The following LPGAT1 variants were observed in gnomAD, a reference collection of about 807,000 sequenced individuals.
LPGAT1 encodes lysophosphatidylglycerol acyltransferase 1, also known as acyl-CoA:lysophosphatidylglycerol acyltransferase 1.
LPGAT1 carries 11 observed loss-of-function variants against 47.5 expected under a neutral mutation model. The ratio of observed to expected loss-of-function variants is 0.23; its 90% CI spans 0.15 to 0.38. The LOEUF (loss-of-function observed/expected upper bound fraction) is 0.38. Ranked by LOEUF, LPGAT1 falls within the 10% of genes least tolerant of loss-of-function variation. The pLI is 1.00. For synonymous variants in LPGAT1, 138 were observed against 144.2 expected (o/e 0.96, Z 0.31); for missense variants, 293 against 439.0 (o/e 0.67, Z 2.97).
chr1:211,816,463 T>C (rs899728847), intron 2 of LPGAT1, among the ~76,000 whole-genome samples: 3 of 152,194 alleles, frequency 2.0e-5, no homozygotes, highest in Non-Finnish European at 4.4e-5. Context: ...ACATAAAATC[T>C]AATTAGTTAA....
At chr1:211,819,410 T>C (rs1245048078) in intron 2 of LPGAT1, among the ~76,000 whole-genome samples, 1 of 152,092 alleles carries the variant, frequency 6.6e-6, no homozygotes, top group Non-Finnish European at 1.5e-5. Context: ...GAACGATCAC[T>C]TGAGGCCAGA....
intron 2 of LPGAT1, among the ~76,000 whole-genome samples, chr1:211,814,507 T>C (rs1403984889): frequency 6.6e-6 from 1 of 152,214 alleles, no homozygotes; most frequent in Non-Finnish European, 1.5e-5. Context: ...AGCCTGATTC[T>C]GCCAACAGAG....
intron 6 of LPGAT1, among the ~76,000 whole-genome samples, chr1:211,771,912 G>C (rs1658189801): frequency 6.6e-6 from 1 of 152,142 alleles, no homozygotes; most frequent in African/African-American, 2.4e-5. Context: ...GACATTAAGA[G>C]TCTCCTATAT....
At chr1:211,768,236 A>C (rs1658022699) in intron 6 of LPGAT1, among the ~76,000 whole-genome samples, 1 of 152,240 alleles carries the variant, frequency 6.6e-6, no homozygotes, top group Admixed American at 6.5e-5. Context: ...TGAGCTTATT[A>C]AATTTTTATA....
intron 2 of LPGAT1, among the ~76,000 whole-genome samples, chr1:211,824,870 A>G (rs1660492512): frequency 6.6e-6 from 1 of 152,214 alleles, no homozygotes; most frequent in Non-Finnish European, 1.5e-5. Flanking sequence ...TCACACAATG[A>G]ATATGTATCC....
intron 2 of LPGAT1, among the ~76,000 whole-genome samples, chr1:211,806,736 T>C (rs1181189064): frequency 6.6e-6 from 1 of 152,184 alleles, no homozygotes; most frequent in Non-Finnish European, 1.5e-5. Context: ...AAGCATTCAA[T>C]AAATTTCAGT....
At chr1:211,759,954 C>A (rs759054025) in intron 6 of LPGAT1, among the ~76,000 whole-genome samples, 8 of 152,152 alleles carry the variant, frequency 5.3e-5, no homozygotes, top group Non-Finnish European at 1.2e-4. Context: ...AAAGATATTG[C>A]TATATTATCT....
At chr1:211,784,406 A>C (rs1447506244) in intron 4 of LPGAT1, among the ~76,000 whole-genome samples, 1 of 151,362 alleles carries the variant, frequency 6.6e-6, no homozygotes, top group East Asian at 1.9e-4. Flanking sequence ...CAGGAGGATC[A>C]CTTGTGCCCA....
At chr1:211,817,827 TTTTTTG>T (rs1479811366) in intron 2 of LPGAT1, among the ~76,000 whole-genome samples, 1 of 151,832 alleles carries the variant, frequency 6.6e-6, no homozygotes, top group Non-Finnish European at 1.5e-5. Flanking sequence ...AACTTTCAGG[TTTTTTG>T]TTTTTGTTTT....
intron 2 of LPGAT1, among the ~76,000 whole-genome samples, chr1:211,795,811 C>A (rs904653273): frequency 1.3e-5 from 2 of 152,118 alleles, no homozygotes; most frequent in Non-Finnish European, 2.9e-5. Flanking sequence ...TTCATTAATA[C>A]AATCTTCATT....
Position 211,783,513 on chromosome 1 carries a change from C to A in LPGAT1, c.454-11G>T. 6.2e-7 allele frequency: 1 copy of A among 1,606,106 alleles called. No homozygotes were observed. The highest frequency in any genetic ancestry group is 8.5e-7 in the Non-Finnish European group (1 of 1,174,750). On this transcript the variant is annotated splice_polypyrimidine_tract_variant and intron_variant, in intron 4 of 7. Transcript: ENST00000366997. ...ACGATAAGATCTTCCCTAGAAGGTA[C>A]ACACACACGTAATAAGTACAGGTAT... is the stretch of plus-strand genomic sequence containing the variant.
chr1:211,805,520 T>C (rs1659722814), intron 2 of LPGAT1, among the ~76,000 whole-genome samples: 1 of 152,210 alleles, frequency 6.6e-6, no homozygotes, highest in South Asian at 2.1e-4. Flanking sequence ...CCATCTGTAC[T>C]ATGAACTACT....
chr1:211,774,453 C>T (rs1343834546), intron 6 of LPGAT1, among the ~76,000 whole-genome samples: 4 of 152,114 alleles, frequency 2.6e-5, no homozygotes, highest in Admixed American at 2.6e-4. Flanking sequence ...TTGCATCTCA[C>T]AACAATGCAT....
intron 6 of LPGAT1, among the ~76,000 whole-genome samples, chr1:211,775,880 G>A (rs962861703): frequency 2.1e-5 from 3 of 145,348 alleles, no homozygotes; most frequent in African/African-American, 5.1e-5. Flanking sequence ...ACGGTGAGTC[G>A]AGATCACACC....
In LPGAT1 at chr1:211,785,028, C is replaced by A. The variant is rs528631283; in HGVS notation, c.454-1526G>T. Among the ~76,000 whole-genome samples, 9 of 152,226 alleles carry A rather than the reference C, an allele frequency of 5.9e-5. No individual in the cohort carries two copies. In the East Asian group the frequency reaches 1.3e-3, roughly 23 times the overall value. On this transcript the variant is annotated intron_variant, in intron 4 of 7. Transcript: ENST00000366997. ...CCGTGTTAGCCAGGATGGTCTCGAT[C>A]TCCTGACCTTGTGATCTGCCCCCCT...
chr1:211,776,380 T>C (rs12144072), intron 6 of LPGAT1, among the ~76,000 whole-genome samples: 12,708 of 151,934 alleles, frequency 0.084, 653 homozygotes, highest in Admixed American at 0.15. Context: ...CTACTAATAA[T>C]ACAAAAATTA....
At position 211,778,919 on chromosome 1, in the gene LPGAT1, T is replaced by C; in HGVS notation, c.853A>G (p.Arg285Gly). 1 of 1,586,744 alleles carries C rather than the reference T, an allele frequency of 6.3e-7. No homozygotes were observed. Among genetic ancestry groups the C allele is most frequent in the Non-Finnish European group, 8.5e-7 (1 of 1,170,458 alleles). ...RKPTVTHVHY[R>G]IFPIKDVPLE... ...TGAGTACTAATATAGAATTCTTACCTGTAATGTACATGTGTGACTGTTGGT... is the reference window on the plus strand; with the variant it reads ...TGAGTACTAATATAGAATTCTTACCCGTAATGTACATGTGTGACTGTTGGT... The change falls in exon 6 of 8, where the codon AGG becomes GGG. Residue 285 changes from arginine to glycine, a missense_variant and splice_region_variant. Transcript: ENST00000366997.
chr1:211,761,898 T>A (rs145412120), intron 6 of LPGAT1, among the ~76,000 whole-genome samples: 1 of 152,342 alleles, frequency 6.6e-6, no homozygotes, highest in East Asian at 1.9e-4. Flanking sequence ...TCTAGCTACC[T>A]AAATTCTATC....
At position 211,830,416 on chromosome 1, in the gene LPGAT1, C is replaced by G. The variant is rs1660695241; in HGVS notation, c.-28+157G>C. On this transcript the variant is annotated intron_variant, in intron 1 of 7. Transcript: ENST00000366997. The surrounding 1 kb of genome is among the most constrained non-coding windows in gnomAD (Gnocchi z 5.9). ...GGAGGCGGGCGGATGCCCCGCGCCCCCGCCTCCTCCCCGGGGCCTACCGCG... is the reference window on the plus strand; with the variant it reads ...GGAGGCGGGCGGATGCCCCGCGCCCGCGCCTCCTCCCCGGGGCCTACCGCG... 8.5e-7 allele frequency: 1 copy of G among 1,177,376 alleles called. No individual in the cohort carries two copies. Among genetic ancestry groups the G allele is most frequent in the South Asian group, 4.3e-5 (1 of 23,052 alleles). 72.9% of individuals were successfully genotyped at this position (1,177,376 alleles called of 1,614,324 possible).
Sources: gnomAD v4.1 joint callset for allele counts (sites outside exome capture counted in the v4.1 genomes callset) on GRCh38, gnomAD v4.1.1 for gene constraint, Gnocchi (gnomAD v3.1) non-coding constraint, MANE v1.5 for transcripts, NCBI Gene and HGNC (gene_info 2026-07-23, HGNC 2026-07-21) for gene names.